PLXNA4: variants seen among roughly 807,000 people sequenced by gnomAD.
PLXNA4 encodes plexin-A4.
PLXNA4 carries 44 observed loss-of-function variants against 191.8 expected under a neutral mutation model. The ratio of observed to expected loss-of-function variants is 0.23; its 90% CI spans 0.18 to 0.29. PLXNA4 has a LOEUF of 0.29. Ranked by LOEUF, PLXNA4 falls within the 10% of genes least tolerant of loss-of-function variation. The pLI is 1.00. For synonymous variants in PLXNA4, 1,082 were observed against 1,009.5 expected, an observed-to-expected ratio of 1.07 and a Z score of -1.36; for missense variants, 1,800 against 2,488.8, an observed-to-expected ratio of 0.72 and a Z score of 5.89.
Position 132,126,121 on chromosome 7 carries a change from CT to C in PLXNA4, c.*4357del. The stretch of plus-strand genomic sequence containing the variant: ...GAAGACAGATGGAAATTGAGCTTTT[CT>C]TTTTAGGTCACAGAGGGTGGTGCTG... On this transcript the variant is annotated 3_prime_UTR_variant, in exon 32 of 32. Transcript: ENST00000321063. The C allele has an allele frequency of 6.6e-6, 1 of 152,486 alleles. No homozygotes were observed. Among genetic ancestry groups the C allele is most frequent in the Non-Finnish European group, 1.5e-5 (1 of 68,218 alleles). 9.4% of individuals were successfully genotyped at this position (152,486 alleles called of 1,614,324 possible).
intron 3 of PLXNA4, among the ~76,000 whole-genome samples, chr7:132,311,195 C>T (rs78650378): frequency 0.019 from 2,241 of 118,648 alleles, 63 homozygotes; most frequent in African/African-American, 0.069. Context: ...TGTGTGTGTG[C>T]GCGTGTGGCC....
intron 1 of PLXNA4, among the ~76,000 whole-genome samples, chr7:132,510,238 A>C (rs1486987745): frequency 6.6e-6 from 1 of 152,206 alleles, no homozygotes; most frequent in Non-Finnish European, 1.5e-5. Context: ...GAGAAGAGGT[A>C]GATCACTAAG....
intron 4 of PLXNA4, among the ~76,000 whole-genome samples, chr7:132,245,873 C>A (rs1799031416): frequency 6.6e-6 from 1 of 152,096 alleles, no homozygotes; most frequent in Non-Finnish European, 1.5e-5. Flanking sequence ...ATGTGAGGTG[C>A]CTAGAGTAGT....
At chr7:132,588,681 G>GAAGGT (rs1300223018) in intron 2 of PLXNA4, among the ~76,000 whole-genome samples, 45 of 108,716 alleles carry the variant, frequency 4.1e-4, no homozygotes, top group African/African-American at 1.5e-3. Flanking sequence ...GAAGGGAAGG[G>GAAGGT]AGGAGGGAGG....
rs139925090 is a variant in PLXNA4, at chr7:132,566,304, T to TCACACA, written c.-87+10112_-87+10117dup. On this transcript the variant is annotated intron_variant, in intron 1 of 31. Transcript: ENST00000321063. Reference sequence around the variant, plus strand: ...CACTCCCACACTCTCCCTCTCTCTCTCACACACACACACATACAATCATTA... The same window carrying TCACACA: ...CACTCCCACACTCTCCCTCTCTCTCTCACACACACACACACACACATACAATCATTA... Among the ~76,000 whole-genome samples, 358 of 151,644 alleles carry TCACACA rather than the reference T, an allele frequency of 2.4e-3. 2 individuals carry two copies. Among genetic ancestry groups the TCACACA allele is most frequent in the African/African-American group, 8.2e-3 (341 of 41,348 alleles).
In PLXNA4 at chr7:132,249,210, T is replaced by C. The variant is rs1357683012; in HGVS notation, c.1504-8044A>G. Among the ~76,000 whole-genome samples the C allele has an allele frequency of 2.6e-5, 4 of 152,352 alleles. No homozygotes were observed. In the East Asian group the frequency reaches 7.7e-4, roughly 29 times the overall value. On this transcript the variant is annotated intron_variant, in intron 4 of 31. Transcript: ENST00000321063. ...TGCCTCACTGGATTCATTTTCAGATTAGGGGGATCCAGTCCTGCTCTGCCT... is the reference window on the plus strand; with the variant it reads ...TGCCTCACTGGATTCATTTTCAGATCAGGGGGATCCAGTCCTGCTCTGCCT...
intron 4 of PLXNA4, among the ~76,000 whole-genome samples, chr7:132,246,343 T>A (rs943324417): frequency 6.6e-6 from 1 of 152,236 alleles, no homozygotes; most frequent in African/African-American, 2.4e-5. Flanking sequence ...ATGTCTCCTA[T>A]CATGTATCAT....
intron 3 of PLXNA4, among the ~76,000 whole-genome samples, chr7:132,435,348 T>C (rs1795429977): frequency 1.3e-5 from 2 of 152,054 alleles, no homozygotes; most frequent in African/African-American, 4.8e-5. Context: ...AGAGCCCTGT[T>C]TCCATGACAA....
At chr7:132,241,225 C>G (rs1798866186) in intron 4 of PLXNA4, 59 bp from the exon 5 acceptor site, 4 of 1,176,424 alleles carry the variant, frequency 3.4e-6, no homozygotes, top group African/African-American at 1.5e-5. Flanking sequence ...CAGCAGTGTA[C>G]CAGAAGAGAT....
At chr7:132,620,595 A>G (rs2116866003) in intron 2 of PLXNA4, among the ~76,000 whole-genome samples, 1 of 151,896 alleles carries the variant, frequency 6.6e-6, no homozygotes, top group Non-Finnish European at 1.5e-5. Context: ...AACCTTCCAG[A>G]CTCTTCCCTG....
intron 30 of PLXNA4, 58 bp from the exon 31 acceptor site, chr7:132,133,257 A>G (rs1795021161): frequency 1.3e-6 from 2 of 1,588,572 alleles, no homozygotes; most frequent in South Asian, 2.3e-5. Context: ...TAGAGGAGAG[A>G]TGGATGCTCC....
intron 4 of PLXNA4, chr7:132,264,381 G>A (rs1025787395): frequency 6.6e-6 from 1 of 152,220 alleles, no homozygotes; most frequent in African/African-American, 2.4e-5. Flanking sequence ...GTCTGGAGTG[G>A]GGCTTAGGGA....
chr7:132,540,716 T>C (rs1487821116), intron 1 of PLXNA4, among the ~76,000 whole-genome samples: 1 of 150,080 alleles, frequency 6.7e-6, no homozygotes, highest in African/African-American at 2.5e-5. Context: ...GCCTCCCGAG[T>C]AGCTGGGACT....
At chr7:132,305,531 G>A (rs1466066426) in intron 3 of PLXNA4, among the ~76,000 whole-genome samples, 2 of 152,094 alleles carry the variant, frequency 1.3e-5, no homozygotes, top group Admixed American at 6.5e-5. Flanking sequence ...AGTGGGCACC[G>A]CCACCTATCT....
chr7:132,399,488 C>CA (rs1418083973), intron 3 of PLXNA4, among the ~76,000 whole-genome samples: 1 of 151,882 alleles, frequency 6.6e-6, no homozygotes, highest in African/African-American at 2.4e-5. Context: ...GCAGGTGAAA[C>CA]AAAAAAAGGA....
intron 3 of PLXNA4, among the ~76,000 whole-genome samples, chr7:132,459,355 C>A (rs1343420050): frequency 6.6e-5 from 10 of 152,150 alleles, no homozygotes; most frequent in Admixed American, 6.5e-4. Context: ...GATCTCCCAC[C>A]CCTTTTCTTA....
At chr7:132,187,702 C>T (rs1796926113) in intron 14 of PLXNA4, 95 bp from the exon 15 acceptor site, 1 of 1,470,058 alleles carries the variant, frequency 6.8e-7, no homozygotes, top group East Asian at 2.4e-5. Context: ...CCCAAGCTGC[C>T]TTCTGGAATC....
chr7:132,361,110 G>C (rs1014899810), intron 3 of PLXNA4, among the ~76,000 whole-genome samples: 9 of 152,320 alleles, frequency 5.9e-5, no homozygotes, highest in Admixed American at 3.3e-4. Context: ...ATGAGCGCTA[G>C]GGGGTGGGTT....
At position 132,368,816 on chromosome 7, in the gene PLXNA4, A is replaced by G. The variant is rs1804304248; in HGVS notation, c.1372-70594T>C. Among the ~76,000 whole-genome samples the G allele has an allele frequency of 2.6e-5, 4 of 152,200 alleles. 1 individual carries two copies. In the South Asian group the frequency reaches 6.2e-4, roughly 24 times the overall value. On this transcript the variant is annotated intron_variant, in intron 3 of 31. Transcript: ENST00000321063. ...CACATGGTTGCCAGGTGAAATTTGC[A>G]GTCACCAGCCGCCAGCCATGTGGTG... is the stretch of plus-strand genomic sequence containing the variant.
Sources: gnomAD v4.1 joint callset for allele counts (sites outside exome capture counted in the v4.1 genomes callset) on GRCh38, gnomAD v4.1.1 for gene constraint, MANE v1.5 for transcripts, NCBI Gene and HGNC (gene_info 2026-07-23, HGNC 2026-07-21) for gene names.